The following CCSER1 variants were observed in gnomAD, a reference collection of about 807,000 sequenced individuals.
CCSER1 encodes coiled-coil serine rich protein 1, also known as serine-rich coiled-coil domain-containing protein 1.
A neutral mutation model predicts 82.0 loss-of-function variants in CCSER1; 41 were observed. The observed-to-expected ratio is 0.50, with a 90% CI of 0.39 to 0.65. CCSER1 has a LOEUF of 0.65. Ranked by LOEUF, CCSER1 falls within the 30% of genes least tolerant of loss-of-function variation. The pLI is 0.00. For missense variants in CCSER1, 1,119 were observed against 1,064.2 expected (o/e 1.05, Z -0.72); for synonymous variants, 414 against 383.9 (o/e 1.08, Z -0.92).
intron 10 of CCSER1, among the ~76,000 whole-genome samples, chr4:91,164,925 A>G (rs1438842098): frequency 3.9e-5 from 6 of 152,186 alleles, no homozygotes; most frequent in Non-Finnish European, 7.3e-5. Flanking sequence ...TCTGAAGTCT[A>G]CTTCTGTCAG....
At chr4:91,585,741 C>G (rs1763956486) in intron 10 of CCSER1, among the ~76,000 whole-genome samples, 1 of 151,318 alleles carries the variant, frequency 6.6e-6, no homozygotes, top group African/African-American at 2.4e-5. Context: ...GAAAGTTTTT[C>G]ATGTTTAAGA....
At chr4:91,463,738 G>C (rs1233562026) in intron 10 of CCSER1, among the ~76,000 whole-genome samples, 1 of 152,168 alleles carries the variant, frequency 6.6e-6, no homozygotes, top group Non-Finnish European at 1.5e-5. Flanking sequence ...TCGATCAATG[G>C]GAAGAAAGGG....
At chr4:90,269,440 G>A (rs1725850614) in intron 1 of CCSER1, among the ~76,000 whole-genome samples, 1 of 152,050 alleles carries the variant, frequency 6.6e-6, no homozygotes, top group African/African-American at 2.4e-5. Context: ...TGACTAGTGG[G>A]TCAATGAAGA....
chr4:90,180,173 G>A (rs1319801072), intron 1 of CCSER1, among the ~76,000 whole-genome samples: 1 of 150,568 alleles, frequency 6.6e-6, no homozygotes, highest in Non-Finnish European at 1.5e-5. Context: ...ATGTTTAGTG[G>A]AGAAACGATA....
intron 1 of CCSER1, among the ~76,000 whole-genome samples, chr4:90,137,552 T>C (rs1723915571): frequency 6.6e-6 from 1 of 152,034 alleles, no homozygotes; most frequent in Admixed American, 6.6e-5. Flanking sequence ...CATTGGACGG[T>C]GATATAGAAA....
intron 5 of CCSER1, among the ~76,000 whole-genome samples, chr4:90,624,374 A>G (rs1722900051): frequency 6.6e-6 from 1 of 151,810 alleles, no homozygotes; most frequent in Non-Finnish European, 1.5e-5. Context: ...TAACTACCCA[A>G]TGATACTACT....
chr4:90,830,523 T>G lies in CCSER1; in HGVS notation c.2094+14678T>G, dbSNP rs187181596. Among the ~76,000 whole-genome samples the G allele has an allele frequency of 3.9e-5, 6 of 152,276 alleles. No homozygotes were observed. In the East Asian group the frequency reaches 1.2e-3, roughly 29 times the overall value. On this transcript the variant is annotated intron_variant, in intron 8 of 10. Transcript: ENST00000509176. ...CAAAGCAAATAGAGACCAGTCAATT[T>G]GATGGTTATGGGGATTTCTGAGCTA...
intron 10 of CCSER1, among the ~76,000 whole-genome samples, chr4:91,385,644 A>G (rs1344006503): frequency 1.4e-5 from 2 of 141,214 alleles, no homozygotes; most frequent in African/African-American, 6.0e-5. Flanking sequence ...TAGAAAAAGG[A>G]AAAAAAAAAG....
Position 91,599,232 on chromosome 4 carries a change from G to A in CCSER1, c.*175G>A. The A allele has an allele frequency of 1.3e-6, 1 of 755,044 alleles. No individual in the cohort carries two copies. The highest frequency in any genetic ancestry group is 2.8e-5 in the East Asian group (1 of 35,620). The allele number at this position is 755,044 out of a possible 1,614,324, so 46.8% of individuals were successfully genotyped here. A position where few individuals can be genotyped will look rare whatever the true frequency, so the allele number is the denominator to read the frequency against. On this transcript the variant is annotated 3_prime_UTR_variant, in exon 11 of 11. Coordinates refer to ENST00000509176, the MANE Select transcript of CCSER1 (RefSeq NM_001145065.2). ...AGACTTGTGGGTTTTTTTTTTCCAA[G>A]AGTGAAAGTTTGAGCATGTTAATTG...
chr4:90,404,995 T>C (rs1473092556), intron 4 of CCSER1, among the ~76,000 whole-genome samples: 1 of 152,058 alleles, frequency 6.6e-6, no homozygotes, highest in Non-Finnish European at 1.5e-5. Flanking sequence ...TCACCAGCAG[T>C]GGATCCAAAC....
chr4:91,587,758 T>A (rs370263512), intron 10 of CCSER1, among the ~76,000 whole-genome samples: 36 of 151,616 alleles, frequency 2.4e-4, no homozygotes, highest in African/African-American at 8.7e-4. Flanking sequence ...AGGTGATAGG[T>A]TCTGTATGGA....
chr4:90,543,214 G>C (rs1377315215), intron 5 of CCSER1, among the ~76,000 whole-genome samples: 1 of 151,960 alleles, frequency 6.6e-6, no homozygotes, highest in Non-Finnish European at 1.5e-5. Context: ...TATATAGAGA[G>C]ACCTTACATG....
In CCSER1 at chr4:90,613,631, A is replaced by G. The variant is rs79751785; in HGVS notation, c.1725-14394A>G. ...TTACTTTGCCTAAATTCATCAGAAG[A>G]ATCACTATCTATGGCAGCTATAGCC... is the stretch of plus-strand genomic sequence containing the variant. On this transcript the variant is annotated intron_variant, in intron 5 of 10. Transcript: ENST00000509176. Among the ~76,000 whole-genome samples the G allele has an allele frequency of 8.0e-4, 122 of 152,274 alleles. 1 individual carries two copies. The East Asian group carries it at 0.017, about 21-fold the overall frequency.
intron 8 of CCSER1, among the ~76,000 whole-genome samples, chr4:90,904,749 C>T (rs1035508530): frequency 6.6e-6 from 1 of 152,188 alleles, no homozygotes; most frequent in African/African-American, 2.4e-5. Context: ...GTGTTCTTAG[C>T]CCAGATACTA....
At chr4:90,554,066 T>C (rs1777839330) in intron 5 of CCSER1, among the ~76,000 whole-genome samples, 1 of 152,046 alleles carries the variant, frequency 6.6e-6, no homozygotes, top group Non-Finnish European at 1.5e-5. Flanking sequence ...GAACACCATA[T>C]AAATAATAAA....
intron 9 of CCSER1, among the ~76,000 whole-genome samples, chr4:91,018,859 ATGT>A (rs972236477): frequency 3.3e-5 from 5 of 152,050 alleles, no homozygotes; most frequent in African/African-American, 1.2e-4. Flanking sequence ...TTGACTGCTG[ATGT>A]TGTTGGATGT....
At chr4:90,917,706 GT>G (rs1727707131) in intron 8 of CCSER1, among the ~76,000 whole-genome samples, 1 of 151,800 alleles carries the variant, frequency 6.6e-6, no homozygotes, top group Non-Finnish European at 1.5e-5. Flanking sequence ...TTTTATTTTA[GT>G]GATTAAAGAA....
At chr4:90,759,383 C>T (rs1195973617) in intron 7 of CCSER1, among the ~76,000 whole-genome samples, 1 of 152,072 alleles carries the variant, frequency 6.6e-6, no homozygotes, top group Non-Finnish European at 1.5e-5. Flanking sequence ...GGACAAAATG[C>T]TACCTCAGTA....
intron 10 of CCSER1, among the ~76,000 whole-genome samples, chr4:91,119,384 G>T (rs1054848018): frequency 2.6e-5 from 4 of 151,880 alleles, no homozygotes; most frequent in African/African-American, 9.7e-5. Context: ...ATCTAGGAAT[G>T]TTCTTAGGGA....
Sources: gnomAD v4.1 joint callset for allele counts (sites outside exome capture counted in the v4.1 genomes callset) on GRCh38, gnomAD v4.1.1 for gene constraint, MANE v1.5 for transcripts, NCBI Gene and HGNC (gene_info 2026-07-23, HGNC 2026-07-21) for gene names.